The following SFI1 variants were observed in gnomAD, a reference collection of about 807,000 sequenced individuals.
SFI1 encodes the protein SFI1 centrin binding protein, also known as protein SFI1 homolog.
A neutral mutation model predicts 207.5 loss-of-function variants in SFI1; 195 were observed. The ratio of observed to expected loss-of-function variants is 0.94; its 90% CI spans 0.84 to 1.06. SFI1 has a LOEUF of 1.06. Among genes scored for constraint, SFI1 ranks in the 50% least tolerant of loss-of-function variants. The pLI, the probability that SFI1 is intolerant of heterozygous loss-of-function variation, is 0.00. For missense variants in SFI1, 1,634 were observed against 1,588.0 expected (o/e 1.03, Z -0.49); for synonymous variants, 630 against 598.9 (o/e 1.05, Z -0.76).
rs551052689 is a variant in SFI1, at chr22:31,607,879, G to A, written c.2158-58G>A. 10 of 1,517,774 alleles carry A rather than the reference G, an allele frequency of 6.6e-6. No individual in the cohort carries two copies. In the East Asian group the frequency reaches 1.8e-4, roughly 28 times the overall value. The allele number at this position is 1,517,774 out of a possible 1,614,324, so 94.0% of individuals were successfully genotyped here. On this transcript the variant is annotated intron_variant, in intron 21 of 32. Coordinates refer to ENST00000400288, the MANE Select transcript of SFI1 (RefSeq NM_001007467.3). ...CAGGAGCCACCGTCACAGACCTGGG[G>A]TGGACCCGGAAGCCAGGAGGTATAG... is the stretch of plus-strand genomic sequence containing the variant.
At chr22:31,588,420 G>C (rs756783873) in intron 14 of SFI1, among the ~76,000 whole-genome samples, 71 of 152,294 alleles carry the variant, frequency 4.7e-4, no homozygotes, top group Non-Finnish European at 7.1e-4. Context: ...ATGTGCTATT[G>C]GTCAGAGCAG....
At chr22:31,538,084 G>T (rs968983551) in intron 4 of SFI1, among the ~76,000 whole-genome samples, 4 of 152,070 alleles carry the variant, frequency 2.6e-5, no homozygotes, top group Non-Finnish European at 5.9e-5. Flanking sequence ...CAATTCTCCT[G>T]CCTCAGCCTG....
intron 7 of SFI1, chr22:31,559,450 G>C: frequency 2.4e-6 from 1 of 414,064 alleles, no homozygotes; most frequent in South Asian, 2.3e-5. Flanking sequence ...GGCTTCCGCG[G>C]GAGGCCTACA....
At chr22:31,616,898 A>G (rs762574459) in intron 30 of SFI1, 21 bp downstream of exon 30, 8 of 1,602,608 alleles carry the variant, frequency 5.0e-6, no homozygotes, top group Non-Finnish European at 6.8e-6. Flanking sequence ...GGGGCCTGTC[A>G]GGGCAGAAAG....
chr22:31,586,238 C>T (rs1005677919), intron 14 of SFI1, among the ~76,000 whole-genome samples: 13 of 152,192 alleles, frequency 8.5e-5, no homozygotes, highest in Admixed American at 4.6e-4. Context: ...GTCACCTCCT[C>T]CCCCAGGCCA....
intron 27 of SFI1, 27 bp from the exon 28 acceptor site, chr22:31,614,762 G>A (rs1569468678): frequency 6.2e-7 from 1 of 1,612,984 alleles, no homozygotes; most frequent in Non-Finnish European, 8.5e-7. Context: ...GTCAGCCCAG[G>A]GGAACAGACC....
Position 31,613,414 on chromosome 22 carries a change from T to G in SFI1, c.2626T>G (p.Trp876Gly), listed in dbSNP as rs748123392. ...GAGGAGAAAGAAGGCGCGGCTGCAG[T>G]GGGCGCTCCAGGCCTACCAGGGGCA... is the stretch of plus-strand genomic sequence containing the variant. ...ERRRKKARLQ[W>G]ALQAYQGQLL... The change falls in exon 26 of 33, where the codon TGG becomes GGG. Residue 876 changes from tryptophan (W) to glycine (G), a missense_variant. Trp to Gly is a radical substitution (Grantham distance 184). Transcript: ENST00000400288. The G allele has an allele frequency of 6.2e-7, 1 of 1,610,634 alleles. No individual in the cohort carries two copies.
At chr22:31,613,060 G>A (rs2070662210) in intron 24 of SFI1, 82 bp from the exon 25 acceptor site, 1 of 1,471,396 alleles carries the variant, frequency 6.8e-7, no homozygotes, top group Non-Finnish European at 9.2e-7. Context: ...GAGCCAAGAG[G>A]GACGAGCTGG....
intron 6 of SFI1, among the ~76,000 whole-genome samples, chr22:31,555,053 T>G (rs2061026573): frequency 6.6e-6 from 1 of 152,198 alleles, no homozygotes; most frequent in South Asian, 2.1e-4. Context: ...TTCCTTTATT[T>G]TTGTTAAGGT....
intron 1 of SFI1, among the ~76,000 whole-genome samples, chr22:31,496,994 G>A (rs1163700370): frequency 1.3e-5 from 2 of 152,208 alleles, no homozygotes; most frequent in African/African-American, 2.4e-5. Flanking sequence ...TCCAAATCAG[G>A]GGTTTCCTCC....
chr22:31,569,621 G>A (rs973927166), intron 8 of SFI1, among the ~76,000 whole-genome samples: 5 of 152,058 alleles, frequency 3.3e-5, no homozygotes, highest in Admixed American at 2.0e-4. Flanking sequence ...CAATTAAAGC[G>A]AACCAAAATG....
At chr22:31,580,088 C>T (rs957602839) in intron 11 of SFI1, 184 bp from the exon 12 acceptor site, 52 of 560,076 alleles carry the variant, frequency 9.3e-5, no homozygotes, top group Non-Finnish European at 1.4e-4. Flanking sequence ...TGCAGGCTGG[C>T]TTGTGTTAGG....
intron 16 of SFI1, 23 bp from the exon 17 acceptor site, chr22:31,602,584 C>T: frequency 1.2e-6 from 2 of 1,612,862 alleles, no homozygotes; most frequent in Non-Finnish European, 1.7e-6. Context: ...TTATTCTGTT[C>T]TCTCCTTCCT....
At chr22:31,534,637 C>T (rs1250268200) in intron 4 of SFI1, among the ~76,000 whole-genome samples, 2 of 152,102 alleles carry the variant, frequency 1.3e-5, no homozygotes, top group Non-Finnish European at 2.9e-5. Flanking sequence ...GATATTCCAT[C>T]ACTGTCCTAT....
chr22:31,583,750 G>A (rs2064653049), intron 12 of SFI1, 125 bp from the exon 13 acceptor site: 2 of 788,506 alleles, frequency 2.5e-6, no homozygotes, highest in South Asian at 2.9e-5. Context: ...TATGCCCACT[G>A]TATGTTGGCT....
Position 31,604,316 on chromosome 22 carries a change from C to T in SFI1, c.1889C>T (p.Ala630Val), listed in dbSNP as rs1388368836. ...TTTCTCCTCTGTCTGCAGTGCCTGG[C>T]CCTGCGGGGAGCGGAGCGGCAGAAG... The part of the protein sequence containing the change: ...WAWSQWRECL[A>V]LRGAERQKLM... Residue 630 changes from alanine (A) to valine (V), a missense_variant, in exon 19 of 33, where the codon GCC (alanine) becomes GTC (valine). Physicochemically the swap from Ala to Val is moderately conservative, Grantham distance 64. Coordinates refer to ENST00000400288, the MANE Select transcript of SFI1 (RefSeq NM_001007467.3). 1.3e-6 allele frequency: 2 copies of T among 1,574,838 alleles called. No individual in the cohort carries two copies. The highest frequency in any genetic ancestry group is 1.8e-5 in the Admixed American group (1 of 54,662).
intron 15 of SFI1, among the ~76,000 whole-genome samples, chr22:31,598,607 G>C (rs990831744): frequency 1.4e-5 from 2 of 147,372 alleles, no homozygotes; most frequent in Non-Finnish European, 3.0e-5. Flanking sequence ...TTTTAGTAGA[G>C]ACGGGGTTTC....
At chr22:31,588,495 T>A (rs1230662028) in intron 14 of SFI1, among the ~76,000 whole-genome samples, 2 of 152,112 alleles carry the variant, frequency 1.3e-5, no homozygotes, top group African/African-American at 4.8e-5. Flanking sequence ...GAGGAGCAAA[T>A]AATTTGCAGC....
At chr22:31,563,937 C>A (rs1235891635) in intron 8 of SFI1, among the ~76,000 whole-genome samples, 2 of 151,932 alleles carry the variant, frequency 1.3e-5, no homozygotes, top group African/African-American at 4.8e-5. Context: ...GGTAAGACAT[C>A]ATGAAATATG....
Sources: gnomAD v4.1 joint callset for allele counts (sites outside exome capture counted in the v4.1 genomes callset) on GRCh38, gnomAD v4.1.1 for gene constraint, MANE v1.5 for transcripts, NCBI Gene and HGNC (gene_info 2026-07-23, HGNC 2026-07-21) for gene names.